The following SBF2 variants were observed in gnomAD, a reference collection of about 807,000 sequenced individuals.
SBF2 encodes the protein myotubularin-related protein 13.
SBF2 carries 112 observed loss-of-function variants against 225.2 expected under a neutral mutation model. The ratio of observed to expected loss-of-function variants is 0.50; its 90% CI spans 0.43 to 0.58. The LOEUF (loss-of-function observed/expected upper bound fraction) is 0.58. Ranked by LOEUF, SBF2 falls within the 20% of genes least tolerant of loss-of-function variation. The pLI is 0.00. For missense variants in SBF2, 1,996 were observed against 2,206.2 expected, an observed-to-expected ratio of 0.90 and a Z score of 1.91; for synonymous variants, 763 against 773.3, an observed-to-expected ratio of 0.99 and a Z score of 0.22.
intron 1 of SBF2, among the ~76,000 whole-genome samples, chr11:10,196,447 A>G (rs190678115): frequency 1.8e-3 from 275 of 152,130 alleles, no homozygotes; most frequent in African/African-American, 6.5e-3. Flanking sequence ...TGGCACAATC[A>G]TCGCTCACCG....
chr11:10,304,760 G>A (rs1412599671), exon 1 of SBF2: 1 of 152,368 alleles, frequency 6.6e-6, no homozygotes, highest in African/African-American at 2.4e-5. Flanking sequence ...TCCTGGATAA[G>A]GACCTCAAGA....
intron 6 of SBF2, among the ~76,000 whole-genome samples, chr11:10,012,993 C>A (rs56374204): frequency 6.6e-6 from 1 of 152,140 alleles, no homozygotes; most frequent in African/African-American, 2.4e-5. Context: ...AAAGCTTCTA[C>A]GTACTGCTGA....
intron 17 of SBF2, among the ~76,000 whole-genome samples, chr11:9,859,912 A>G (rs186135870): frequency 4.6e-4 from 70 of 152,322 alleles, no homozygotes; most frequent in African/African-American, 1.6e-3. Context: ...TGCTGAGGTA[A>G]CTGGCTATAA....
intron 2 of SBF2, among the ~76,000 whole-genome samples, chr11:10,047,927 A>G (rs2134700902): frequency 6.6e-6 from 1 of 152,272 alleles, no homozygotes; most frequent in Middle Eastern, 3.4e-3. Flanking sequence ...TCCAAACCAA[A>G]GAATCAGGCC....
intron 16 of SBF2, among the ~76,000 whole-genome samples, chr11:9,936,718 T>C (rs1456827706): frequency 1.3e-5 from 2 of 152,066 alleles, no homozygotes; most frequent in African/African-American, 2.4e-5. Context: ...AACCAAACAC[T>C]GCATGTTCTC....
At chr11:9,971,548 G>T (rs1223328577) in intron 13 of SBF2, among the ~76,000 whole-genome samples, 1 of 152,074 alleles carries the variant, frequency 6.6e-6, no homozygotes, top group Non-Finnish European at 1.5e-5. Flanking sequence ...GCATGGTGGT[G>T]CCTGCCCATG....
At chr11:10,176,544 C>T (rs541345042) in intron 2 of SBF2, among the ~76,000 whole-genome samples, 2 of 152,092 alleles carry the variant, frequency 1.3e-5, no homozygotes, top group Admixed American at 1.3e-4. Context: ...AAACTACCAT[C>T]AGAGAATACT....
At chr11:9,941,236 G>T (rs1407217073) in intron 16 of SBF2, among the ~76,000 whole-genome samples, 1 of 152,126 alleles carries the variant, frequency 6.6e-6, no homozygotes, top group Admixed American at 6.5e-5. Flanking sequence ...GATCACTTGA[G>T]CCCATAAGTT....
At chr11:9,964,596 A>T (rs1401661499) in intron 14 of SBF2, among the ~76,000 whole-genome samples, 1 of 152,224 alleles carries the variant, frequency 6.6e-6, no homozygotes. Flanking sequence ...CTTGAAAGAA[A>T]GTAGTGCAAA....
chr11:10,174,186 G>C (rs1439478709), intron 2 of SBF2, among the ~76,000 whole-genome samples: 1 of 152,170 alleles, frequency 6.6e-6, no homozygotes, highest in Non-Finnish European at 1.5e-5. Flanking sequence ...GCTGAGACAA[G>C]AAGGCTTCAG....
In SBF2 at chr11:10,014,063, G is replaced by A. The variant is rs192984307; in HGVS notation, c.620-11374C>T. Among the ~76,000 whole-genome samples the A allele has an allele frequency of 3.8e-4, 58 of 152,092 alleles. No individual in the cohort carries two copies. The South Asian group carries it at 5.8e-3, about 15-fold the overall frequency. On this transcript the variant is annotated intron_variant, in intron 6 of 39. Transcript: ENST00000256190. ...GAGACAGAGCTCTTTTATTTTTCCA[G>A]GCTCATATTGTACTTACCCTGTCCT...
At chr11:9,951,071 AG>A (rs1315285499) in intron 16 of SBF2, among the ~76,000 whole-genome samples, 2 of 152,170 alleles carry the variant, frequency 1.3e-5, no homozygotes, top group African/African-American at 4.8e-5. Context: ...GAAGGCTTCC[AG>A]AAAGAAATGA....
At chr11:10,261,688 A>C (rs1376240727) in intron 1 of SBF2, among the ~76,000 whole-genome samples, 1 of 152,246 alleles carries the variant, frequency 6.6e-6, no homozygotes, top group Admixed American at 6.5e-5. Context: ...TATTCATAGC[A>C]GTTTATTCAT....
Position 9,790,607 on chromosome 11 carries a change from G to T in SBF2, c.4647C>A (p.His1549Gln). ...AATTAAAGAAAATGGGACTCCTCTT[G>T]TGCATTCTGTCAATACATTCCCAAA... ...VCIWECIDRM[H>Q]KRSPIFFNYL... Residue 1549 changes from histidine to glutamine, a missense_variant, in exon 34 of 40, where the codon CAC becomes CAA. His to Gln is a conservative substitution (Grantham distance 24, BLOSUM62 0). Coordinates refer to ENST00000256190, the MANE Select transcript of SBF2 (RefSeq NM_030962.4). 1 of 1,588,082 alleles carries T rather than the reference G, an allele frequency of 6.3e-7. No individual in the cohort carries two copies.
rs200276608 is a variant in SBF2, at chr11:9,835,239, A to G, written c.3456-2819T>C. ...TGCTCAAAACCTAGGTGATATCACT[A>G]CCACCTAGGTCAAGAAATTGACCAC... On this transcript the variant is annotated intron_variant, in intron 26 of 39. Coordinates refer to ENST00000256190, the MANE Select transcript of SBF2 (RefSeq NM_030962.4). Among the ~76,000 whole-genome samples, 27 of 152,136 alleles carry G rather than the reference A, an allele frequency of 1.8e-4. No homozygotes were observed. In the East Asian group the frequency reaches 5.0e-3, roughly 28 times the overall value.
At chr11:10,177,125 T>C (rs1432326237) in intron 2 of SBF2, among the ~76,000 whole-genome samples, 1 of 151,888 alleles carries the variant, frequency 6.6e-6, no homozygotes, top group Non-Finnish European at 1.5e-5. Context: ...CAAAAGGCCT[T>C]TGACAAAATT....
At chr11:10,043,366 C>T (rs2134683069) in intron 2 of SBF2, among the ~76,000 whole-genome samples, 1 of 152,212 alleles carries the variant, frequency 6.6e-6, no homozygotes, top group Middle Eastern at 3.4e-3. Context: ...TTTTAAATTT[C>T]CATATGAATC....
intron 1 of SBF2, among the ~76,000 whole-genome samples, chr11:10,209,908 G>A (rs1038782927): frequency 6.6e-6 from 1 of 152,064 alleles, no homozygotes; most frequent in African/African-American, 2.4e-5. Context: ...GCTTCTTCAG[G>A]TTCATCACTC....
chr11:10,246,528 C>T lies in SBF2; in HGVS notation c.55+47487G>A, dbSNP rs976544922. Among the ~76,000 whole-genome samples, 9 of 152,332 alleles carry T rather than the reference C, an allele frequency of 5.9e-5. No homozygotes were observed. The East Asian group carries it at 1.7e-3, about 29-fold the overall frequency. ...TGAACTCCAACCTCAGGTGATCTGC[C>T]TGCCTCAGCCTCCCAAAGTGTTGGG... is the stretch of plus-strand genomic sequence containing the variant. On this transcript the variant is annotated intron_variant, in intron 1 of 39. Transcript: ENST00000256190.
Sources: allele counts gnomAD v4.1 joint callset (sites outside exome capture counted in the v4.1 genomes callset), GRCh38; gene constraint gnomAD v4.1.1; transcripts MANE v1.5; gene names NCBI Gene and HGNC (gene_info 2026-07-23, HGNC 2026-07-21).